EPHA3: variants seen among roughly 807,000 people sequenced by gnomAD.
EPHA3 encodes the protein EPH receptor A3.
A neutral mutation model predicts 107.1 loss-of-function variants in EPHA3; 42 were observed. That is an observed-to-expected ratio of 0.39 (90% CI 0.31 to 0.51). The LOEUF is 0.51. EPHA3 is among the 20% of genes least tolerant of loss of function. The probability of loss-of-function intolerance (pLI) is 0.78; values close to 1 mark genes in which losing one functional copy is unlikely to be tolerated. For missense variants in EPHA3, 1,183 were observed against 1,211.2 expected, an observed-to-expected ratio of 0.98 and a Z score of 0.35; for synonymous variants, 461 against 424.8, an observed-to-expected ratio of 1.09 and a Z score of -1.05.
intron 2 of EPHA3, among the ~76,000 whole-genome samples, chr3:89,159,925 C>T (rs1704893037): frequency 6.6e-6 from 1 of 151,944 alleles, no homozygotes; most frequent in Admixed American, 6.6e-5. Context: ...TGCTTCCTTC[C>T]TTCCTTCCTC....
intron 3 of EPHA3, among the ~76,000 whole-genome samples, chr3:89,226,824 T>G (rs1400215558): frequency 6.6e-6 from 1 of 152,086 alleles, no homozygotes; most frequent in Admixed American, 6.6e-5. Context: ...ATTAGCTACT[T>G]TGCAAATGTC....
At chr3:89,336,244 C>T (rs1185626044) in intron 3 of EPHA3, among the ~76,000 whole-genome samples, 1 of 151,470 alleles carries the variant, frequency 6.6e-6, no homozygotes, top group East Asian at 1.9e-4. Context: ...TAGATTGTTA[C>T]TCACTAGTTT....
chr3:89,473,244 C>A (rs1710442219), intron 16 of EPHA3, among the ~76,000 whole-genome samples: 1 of 152,062 alleles, frequency 6.6e-6, no homozygotes, highest in South Asian at 2.1e-4. Flanking sequence ...AAATATGCGT[C>A]ATAATATTAA....
chr3:89,160,588 GT>G (rs573248681), intron 2 of EPHA3, among the ~76,000 whole-genome samples: 1 of 140,834 alleles, frequency 7.1e-6, no homozygotes, highest in East Asian at 2.0e-4. Flanking sequence ...GTGTGTGTGT[GT>G]GCGCGCATTC....
At chr3:89,299,123 A>G (rs559469500) in intron 3 of EPHA3, among the ~76,000 whole-genome samples, 16 of 152,258 alleles carry the variant, frequency 1.1e-4, no homozygotes, top group East Asian at 9.6e-4. Context: ...TTGTCTTTTT[A>G]TATAAAGGCA....
intron 2 of EPHA3, among the ~76,000 whole-genome samples, chr3:89,183,642 A>T (rs1705494329): frequency 6.6e-6 from 1 of 151,886 alleles, no homozygotes; most frequent in Non-Finnish European, 1.5e-5. Flanking sequence ...ACTATTTTTT[A>T]ATGAAAACAG....
chr3:89,148,906 CAT>C (rs1245416508), intron 2 of EPHA3, among the ~76,000 whole-genome samples: 1 of 151,824 alleles, frequency 6.6e-6, no homozygotes, highest in Non-Finnish European at 1.5e-5. Context: ...AAACATATAA[CAT>C]ATTATTATTT....
intron 3 of EPHA3, among the ~76,000 whole-genome samples, chr3:89,290,668 A>C (rs1322051181): frequency 6.6e-6 from 1 of 152,118 alleles, no homozygotes; most frequent in Non-Finnish European, 1.5e-5. Context: ...TAAGGATCAC[A>C]ATCTCTAGTT....
At chr3:89,378,509 C>G (rs1405362377) in intron 5 of EPHA3, among the ~76,000 whole-genome samples, 1 of 152,066 alleles carries the variant, frequency 6.6e-6, no homozygotes, top group Non-Finnish European at 1.5e-5. Context: ...AAAATCTCAT[C>G]ATGAAAAGGC....
At chr3:89,441,927 T>C (rs1432738665) in intron 13 of EPHA3, among the ~76,000 whole-genome samples, 1 of 152,174 alleles carries the variant, frequency 6.6e-6, no homozygotes, top group Non-Finnish European at 1.5e-5. Flanking sequence ...AGAACCAAAT[T>C]GGGCCCTCAA....
At chr3:89,133,028 A>T (rs538505887) in intron 2 of EPHA3, among the ~76,000 whole-genome samples, 1 of 152,242 alleles carries the variant, frequency 6.6e-6, no homozygotes, top group Non-Finnish European at 1.5e-5. Flanking sequence ...CTAAGAATAC[A>T]AATACATATA....
chr3:89,152,583 T>C (rs1295894391), intron 2 of EPHA3, among the ~76,000 whole-genome samples: 6 of 152,130 alleles, frequency 3.9e-5, no homozygotes, highest in Non-Finnish European at 8.8e-5. Flanking sequence ...TTCACATCAT[T>C]ATTCTTTCAC....
At chr3:89,423,485 G>A (rs1709393393) in intron 11 of EPHA3, among the ~76,000 whole-genome samples, 1 of 151,232 alleles carries the variant, frequency 6.6e-6, no homozygotes, top group Non-Finnish European at 1.5e-5. Flanking sequence ...CATCTTAAAA[G>A]ACAATACATA....
At chr3:89,194,905 A>G (rs1277816649) in intron 2 of EPHA3, among the ~76,000 whole-genome samples, 1 of 152,120 alleles carries the variant, frequency 6.6e-6, no homozygotes, top group Non-Finnish European at 1.5e-5. Context: ...GAACATTTCA[A>G]TATGGATGTT....
chr3:89,449,622 T>C (rs1709947901), intron 14 of EPHA3, among the ~76,000 whole-genome samples: 1 of 152,152 alleles, frequency 6.6e-6, no homozygotes, highest in South Asian at 2.1e-4. Context: ...GAAAACGTAA[T>C]GAAAAAAGTG....
intron 3 of EPHA3, among the ~76,000 whole-genome samples, chr3:89,308,232 C>T (rs1373378802): frequency 6.6e-6 from 1 of 152,096 alleles, no homozygotes; most frequent in Admixed American, 6.6e-5. Flanking sequence ...AAAAATCCTA[C>T]ACATGAAAAG....
intron 15 of EPHA3, among the ~76,000 whole-genome samples, chr3:89,468,980 A>G (rs1203675209): frequency 1.3e-5 from 2 of 152,192 alleles, no homozygotes; most frequent in East Asian, 3.8e-4. Context: ...ATGTTTCAGA[A>G]GAAGATAACT....
At chr3:89,123,991 A>T (rs1704029659) in intron 1 of EPHA3, among the ~76,000 whole-genome samples, 1 of 152,220 alleles carries the variant, frequency 6.6e-6, no homozygotes. Flanking sequence ...GAAGTCATGC[A>T]TATGTTCCTA....
intron 1 of EPHA3, among the ~76,000 whole-genome samples, chr3:89,115,605 C>A (rs1355250076): frequency 6.6e-6 from 1 of 152,140 alleles, no homozygotes; most frequent in East Asian, 1.9e-4. Flanking sequence ...ATCCTCAGTG[C>A]CGTGTTCAAC....
Sources: gnomAD v4.1 joint callset for allele counts (sites outside exome capture counted in the v4.1 genomes callset) on GRCh38, gnomAD v4.1.1 for gene constraint, MANE v1.5 for transcripts, NCBI Gene and HGNC (gene_info 2026-07-23, HGNC 2026-07-21) for gene names.